The following KCNT2 variants were observed in gnomAD, a reference collection of about 807,000 sequenced individuals.
KCNT2 encodes the protein potassium sodium-activated channel subfamily T member 2.
A neutral mutation model predicts 153.8 loss-of-function variants in KCNT2; 67 were observed. That is an observed-to-expected ratio of 0.44 (90% CI 0.36 to 0.53). The LOEUF (loss-of-function observed/expected upper bound fraction) is 0.53, where lower values mean the gene tolerates loss of function less well. KCNT2 is among the 20% of genes least tolerant of loss of function. The pLI is 0.00. For missense variants in KCNT2, 975 were observed against 1,354.8 expected (o/e 0.72, Z 4.40); for synonymous variants, 500 against 458.8 (o/e 1.09, Z -1.15).
intron 19 of KCNT2, among the ~76,000 whole-genome samples, chr1:196,323,163 T>C (rs1158984031): frequency 6.6e-6 from 1 of 151,964 alleles, no homozygotes; most frequent in African/African-American, 2.4e-5. Flanking sequence ...GTCTAAAGTT[T>C]GAATTTTAAA....
intron 1 of KCNT2, among the ~76,000 whole-genome samples, chr1:196,592,922 A>G (rs1663558536): frequency 6.6e-6 from 1 of 150,432 alleles, no homozygotes; most frequent in Non-Finnish European, 1.5e-5. Flanking sequence ...TTAATTTAAT[A>G]AAATAATTTT....
At chr1:196,560,843 C>A (rs1050582393) in intron 1 of KCNT2, among the ~76,000 whole-genome samples, 6 of 151,882 alleles carry the variant, frequency 4.0e-5, no homozygotes, top group African/African-American at 1.4e-4. Flanking sequence ...TATATAAAGT[C>A]CCGTACCTAG....
intron 1 of KCNT2, among the ~76,000 whole-genome samples, chr1:196,499,738 T>G (rs1680522788): frequency 6.6e-6 from 1 of 152,208 alleles, no homozygotes; most frequent in African/African-American, 2.4e-5. Flanking sequence ...GAATTTAGAT[T>G]TTATTTATTT....
chr1:196,408,179 G>C (rs1469618982), intron 12 of KCNT2, among the ~76,000 whole-genome samples: 1 of 151,372 alleles, frequency 6.6e-6, no homozygotes, highest in African/African-American at 2.4e-5. Context: ...TTCACTACAT[G>C]GGGCCACAAA....
chr1:196,542,656 G>A (rs1656542577), intron 1 of KCNT2, among the ~76,000 whole-genome samples: 2 of 152,086 alleles, frequency 1.3e-5, no homozygotes, highest in Admixed American at 6.6e-5. Flanking sequence ...GGGAGCTTGG[G>A]AGGTGTTTTT....
At chr1:196,373,411 C>T (rs926818003) in intron 13 of KCNT2, among the ~76,000 whole-genome samples, 163 bp from the exon 14 acceptor site, 3 of 151,774 alleles carry the variant, frequency 2.0e-5, no homozygotes, top group African/African-American at 7.2e-5. Context: ...AATATATCTC[C>T]TAAGAAAGAG....
chr1:196,354,733 C>T lies in KCNT2; in HGVS notation c.1404-12505G>A, dbSNP rs1667032140. On this transcript the variant is annotated intron_variant, in intron 14 of 27. Coordinates refer to ENST00000294725, the MANE Select transcript of KCNT2 (RefSeq NM_198503.5). ...GATTTTAAAGGTCTAAAATAAGTCACCAAAGGGTTTAAATCTAATTAAAAT... is the reference window on the plus strand; with the variant it reads ...GATTTTAAAGGTCTAAAATAAGTCATCAAAGGGTTTAAATCTAATTAAAAT... Among the ~76,000 whole-genome samples, 3 of 151,510 alleles carry T rather than the reference C, an allele frequency of 2.0e-5. No homozygotes were observed. The South Asian group carries it at 6.2e-4, about 31-fold the overall frequency.
chr1:196,247,842 G>C (rs1195182788), intron 26 of KCNT2, among the ~76,000 whole-genome samples: 2 of 152,068 alleles, frequency 1.3e-5, no homozygotes, highest in African/African-American at 4.8e-5. Context: ...TGGCTGCACA[G>C]TACACATTCT....
chr1:196,598,742 T>C (rs1664375570), intron 1 of KCNT2, among the ~76,000 whole-genome samples: 1 of 152,220 alleles, frequency 6.6e-6, no homozygotes. Flanking sequence ...TATATTTCTG[T>C]ACCTTGGTTG....
At chr1:196,295,455 TG>T (rs1171633713) in intron 22 of KCNT2, among the ~76,000 whole-genome samples, 3 of 151,294 alleles carry the variant, frequency 2.0e-5, no homozygotes, top group African/African-American at 7.3e-5. Flanking sequence ...TTAATATTCA[TG>T]ATAAGGTAAA....
chr1:196,459,866 C>T (rs1268120500), intron 8 of KCNT2, among the ~76,000 whole-genome samples: 1 of 151,700 alleles, frequency 6.6e-6, no homozygotes, highest in Non-Finnish European at 1.5e-5. Flanking sequence ...TTTATCTTGC[C>T]CTCTAACCCC....
intron 23 of KCNT2, among the ~76,000 whole-genome samples, chr1:196,285,202 C>T (rs1046713104): frequency 6.6e-6 from 1 of 152,120 alleles, no homozygotes; most frequent in African/African-American, 2.4e-5. Context: ...CTAAAATAGG[C>T]AATAATCAGC....
chr1:196,478,095 A>G (rs1422115535), intron 5 of KCNT2, among the ~76,000 whole-genome samples: 1 of 152,182 alleles, frequency 6.6e-6, no homozygotes, highest in African/African-American at 2.4e-5. Flanking sequence ...CAGTATTTCC[A>G]GTCCTTCAAA....
At chr1:196,505,084 G>T (rs1381175438) in intron 1 of KCNT2, among the ~76,000 whole-genome samples, 10 of 151,738 alleles carry the variant, frequency 6.6e-5, no homozygotes, top group African/African-American at 1.5e-4. Context: ...AGCTCTTTAG[G>T]TTAATTAGAT....
chr1:196,271,634 A>G (rs922351814), intron 25 of KCNT2, among the ~76,000 whole-genome samples: 27 of 151,970 alleles, frequency 1.8e-4, no homozygotes, highest in African/African-American at 6.3e-4. Context: ...TTAGGAAAAA[A>G]TTATAAAATA....
intron 1 of KCNT2, among the ~76,000 whole-genome samples, chr1:196,540,206 T>TA (rs1656163611): frequency 6.6e-6 from 1 of 152,172 alleles, no homozygotes; most frequent in Non-Finnish European, 1.5e-5. Context: ...AATCTCCAAA[T>TA]ATGAACACTT....
intron 1 of KCNT2, among the ~76,000 whole-genome samples, chr1:196,567,563 T>C (rs995178294): frequency 6.6e-6 from 1 of 152,172 alleles, no homozygotes; most frequent in Non-Finnish European, 1.5e-5. Context: ...ATATTATTCA[T>C]TATCTGGAAG....
chr1:196,425,577 T>C (rs1673587180), intron 11 of KCNT2, among the ~76,000 whole-genome samples: 1 of 151,958 alleles, frequency 6.6e-6, no homozygotes, highest in Non-Finnish European at 1.5e-5. Flanking sequence ...CTTAAGATAA[T>C]TATTCTGGGC....
At chr1:196,269,079 T>C (rs1447827878) in intron 25 of KCNT2, among the ~76,000 whole-genome samples, 4 of 152,126 alleles carry the variant, frequency 2.6e-5, no homozygotes, top group African/African-American at 7.2e-5. Context: ...AACAATTACA[T>C]AATAATTAAG....
Sources: gnomAD v4.1 joint callset for allele counts (sites outside exome capture counted in the v4.1 genomes callset) on GRCh38, gnomAD v4.1.1 for gene constraint, MANE v1.5 for transcripts, NCBI Gene and HGNC (gene_info 2026-07-23, HGNC 2026-07-21) for gene names.